ZNF446: variants seen among roughly 807,000 people sequenced by gnomAD.
ZNF446 encodes the protein zinc finger protein 446.
In ZNF446, 42 loss-of-function variants were observed where a neutral mutation model predicts 34.0. That is an observed-to-expected ratio of 1.23 (90% CI 0.96 to 1.60). The LOEUF (loss-of-function observed/expected upper bound fraction) is 1.60, where lower values mean the gene tolerates loss of function less well. ZNF446 is among the 40% of genes most tolerant of loss of function. ZNF446 has a pLI of 0.00. For missense variants in ZNF446, 650 were observed against 600.2 expected (o/e 1.08, Z -0.87); for synonymous variants, 315 against 251.0 (o/e 1.25, Z -2.41).
chr19:58,483,659 A>T (rs1299740452), downstream of ZNF446: 1 of 152,074 alleles, frequency 6.6e-6, no homozygotes, highest in Non-Finnish European at 1.5e-5. Flanking sequence ...GGAAAAAAAA[A>T]ATACGGAAAT....
chr19:58,481,323 A>G (rs1600013530), downstream of ZNF446: 2 of 153,622 alleles, frequency 1.3e-5, no homozygotes, highest in East Asian at 3.9e-4. Flanking sequence ...AGCACAGGGC[A>G]GTTGAGCCCA....
rs1307907470 is a variant in ZNF446, at chr19:58,477,395, A to G, written c.177A>G (p.Ala59=). Residue 59 remains alanine (A), a synonymous_variant, in exon 2 of 7, where the codon GCA becomes GCG. Transcript: ENST00000594369. ...ELCCQWLQPE[A]HSKEQMLEML... is the part of the protein sequence containing the mutation. ...GTTGCCAGTGGCTGCAGCCTGAGGC[A>G]CACTCCAAGGAGCAGATGCTGGAGA... 1 of 1,613,308 alleles carries G rather than the reference A, an allele frequency of 6.2e-7. No homozygotes were observed. Among genetic ancestry groups the G allele is most frequent in the Non-Finnish European group, 8.5e-7 (1 of 1,180,002 alleles).
chr19:58,477,674 C>A lies in ZNF446; in HGVS notation c.380C>A (p.Ala127Glu). The A allele has an allele frequency of 6.2e-7, 1 of 1,613,890 alleles. No individual in the cohort carries two copies. The change falls in exon 3 of 7, where the codon GCA becomes GAA. Residue 127 changes from alanine to glutamate, a missense_variant. By Grantham distance (107) the Ala-to-Glu change is moderately radical. Coordinates refer to ENST00000594369, the MANE Select transcript of ZNF446 (RefSeq NM_017908.4). ...AHVLKQEVLP[A>E]AQKTEEPLGS... ...GTCCTGAAGCAGGAGGTGCTCCCTG[C>A]AGCCCAGAAGACAGAGGAACCACTT...
downstream of ZNF446, among the ~76,000 whole-genome samples, chr19:58,485,762 TAG>T (rs1245488365): frequency 6.6e-6 from 1 of 152,118 alleles, no homozygotes; most frequent in Non-Finnish European, 1.5e-5. Flanking sequence ...TTTTTTTTGG[TAG>T]AGACAGGGTC....
In ZNF446 at chr19:58,480,557, AC is replaced by A; in HGVS notation, c.1187del (p.Pro396ArgfsTer218). 1.2e-6 allele frequency: 2 copies of A among 1,612,708 alleles called. No homozygotes were observed. Among genetic ancestry groups the A allele is most frequent in the Non-Finnish European group, 1.7e-6 (2 of 1,179,918 alleles). On this transcript the variant is annotated frameshift_variant, in exon 7 of 7. Transcript: ENST00000594369. LOFTEE classifies it high-confidence loss of function. This position sits in a 1 kb window ranked among gnomAD's most constrained non-coding sequence, Gnocchi z 7.2. Reference protein sequence around the residue: ...PRRSLTGPRSYPCEECGCSFS... With the variant: ...PRRSLTGPRSXPCEECGCSFS... ...CGCTCACTCACAGGCCCCCGGAGTTACCCGTGTGAGGAGTGCGGGTGCAGCT... is the reference window on the plus strand; with the variant it reads ...CGCTCACTCACAGGCCCCCGGAGTTACCGTGTGAGGAGTGCGGGTGCAGCT...
At position 58,478,089 on chromosome 19, in the gene ZNF446, C is replaced by G; in HGVS notation, c.535C>G (p.Pro179Ala). 6.2e-7 allele frequency: 1 copy of G among 1,612,088 alleles called. No individual in the cohort carries two copies. Among genetic ancestry groups the G allele is most frequent in the Non-Finnish European group, 8.5e-7 (1 of 1,179,072 alleles). ...CTTCCATCTGCCCCACTTTTCAGCACCCTCCAGCCCTCCACTTGCAGCACA... is the reference window on the plus strand; with the variant it reads ...CTTCCATCTGCCCCACTTTTCAGCAGCCTCCAGCCCTCCACTTGCAGCACA... ...EPNVDGQEVAPSSPPLAAQSP... is the reference protein window; with the variant it reads ...EPNVDGQEVAASSPPLAAQSP... Residue 179 changes from proline to alanine, a missense_variant and splice_region_variant, in exon 4 of 7, where the codon CCC becomes GCC. Transcript: ENST00000594369.
intron 4 of ZNF446, among the ~76,000 whole-genome samples, chr19:58,479,182 C>A (rs900344541): frequency 2.0e-5 from 3 of 152,124 alleles, no homozygotes; most frequent in South Asian, 2.1e-4. Flanking sequence ...GTAGGCTGCA[C>A]TTCCCAGTGT....
chr19:58,477,162 CCCTT>C lies in ZNF446; in HGVS notation c.-40-12_-40-9del. On this transcript the variant is annotated splice_polypyrimidine_tract_variant and intron_variant, in intron 1 of 6. Transcript: ENST00000594369. ...CAGATTCTCTTGGCTGACATTCCGA[CCCTT>C]CCTTTTCTGTAGGCCCATCTTGACG... The C allele has an allele frequency of 6.9e-7, 1 of 1,442,798 alleles. No homozygotes were observed. The highest frequency in any genetic ancestry group is 1.4e-5 in the African/African-American group (1 of 70,626). 89.4% of individuals were successfully genotyped at this position (1,442,798 alleles called of 1,614,324 possible). A position where few individuals can be genotyped will look rare whatever the true frequency, so the allele number is the denominator to read the frequency against.
chr19:58,481,512 A>G (rs539898299), downstream of ZNF446, among the ~76,000 whole-genome samples: 14 of 152,160 alleles, frequency 9.2e-5, no homozygotes, highest in South Asian at 2.9e-3. Flanking sequence ...CTCTGAGAAG[A>G]GGGGCTGCAA....
rs765035220 is a variant in ZNF446, at chr19:58,480,286, C to A, written c.913C>A (p.Arg305Ser). ...GGCTGCCACTCCTGCCCCCACTGTGCGCCCAGGGACACCGCCAGTGCCCAC... is the reference window on the plus strand; with the variant it reads ...GGCTGCCACTCCTGCCCCCACTGTGAGCCCAGGGACACCGCCAGTGCCCAC... The part of the protein sequence containing the change: ...SGAATPAPTV[R>S]PGTPPVPTQP... Residue 305 changes from arginine to serine, a missense_variant, in exon 7 of 7, where the codon CGC (arginine) becomes AGC (serine). Coordinates refer to ENST00000594369, the MANE Select transcript of ZNF446 (RefSeq NM_017908.4). The surrounding 1 kb of genome is among the most constrained non-coding windows in gnomAD (Gnocchi z 7.2). 13 of 1,576,782 alleles carry A rather than the reference C, an allele frequency of 8.2e-6. No individual in the cohort carries two copies. Among genetic ancestry groups the A allele is most frequent in the African/African-American group, 2.7e-5 (2 of 74,270 alleles).
downstream of ZNF446, chr19:58,483,465 G>A (rs761808766): frequency 6.6e-6 from 1 of 152,228 alleles, no homozygotes; most frequent in Admixed American, 6.5e-5. Context: ...TGCAGCCTGG[G>A]TGACAAAGCG....
downstream of ZNF446, among the ~76,000 whole-genome samples, chr19:58,484,902 A>C (rs2053161326): frequency 6.6e-6 from 1 of 151,954 alleles, no homozygotes; most frequent in African/African-American, 2.4e-5. Context: ...TAGTAAAAAT[A>C]CAAAAATTAG....
chr19:58,484,287 A>AAC (rs2053158001), downstream of ZNF446, among the ~76,000 whole-genome samples: 1 of 149,896 alleles, frequency 6.7e-6, no homozygotes, highest in Non-Finnish European at 1.5e-5. Flanking sequence ...AAAAAAAAAA[A>AAC]AAAAAAACAC....
chr19:58,480,828 G>A lies in ZNF446; in HGVS notation c.*102G>A. On this transcript the variant is annotated 3_prime_UTR_variant, in exon 7 of 7. Transcript: ENST00000594369. This position sits in a 1 kb window ranked among gnomAD's most constrained non-coding sequence, Gnocchi z 7.2. ...ACTCTGGAGGCAGCAGGGGATGCCA[G>A]AGTGAACAAGGGGTCCCAAGCCAGT... 3 of 1,394,850 alleles carry A rather than the reference G, an allele frequency of 2.2e-6. No homozygotes were observed. The highest frequency in any genetic ancestry group is 2.9e-6 in the Non-Finnish European group (3 of 1,032,158). 86.4% of individuals were successfully genotyped at this position (1,394,850 alleles called of 1,614,324 possible). A position where few individuals can be genotyped will look rare whatever the true frequency, so the allele number is the denominator to read the frequency against.
downstream of ZNF446, among the ~76,000 whole-genome samples, chr19:58,485,271 C>T (rs970763442): frequency 2.7e-5 from 4 of 150,334 alleles, no homozygotes; most frequent in African/African-American, 4.9e-5. Context: ...GAGGCCGAGG[C>T]GGGTGGATCA....
At chr19:58,479,615 C>A in intron 4 of ZNF446, 28 bp from the exon 5 acceptor site, 1 of 1,610,278 alleles carries the variant, frequency 6.2e-7, no homozygotes, top group Non-Finnish European at 8.5e-7. Context: ...GGTGGAAAGA[C>A]GCCTACAGTG....
chr19:58,478,126 G>A lies in ZNF446; in HGVS notation c.572G>A (p.Gly191Glu). Residue 191 changes from glycine (G) to glutamate (E), a missense_variant, in exon 4 of 7, where the codon GGG becomes GAG. Transcript: ENST00000594369. ...CCACTTGCAGCACAGTCCCCTGAGG[G>A]GAACCATGGACACCAAGAACCAGCC... is the stretch of plus-strand genomic sequence containing the variant. ...SPPLAAQSPE[G>E]NHGHQEPAST... is the part of the protein sequence containing the mutation. 1 of 1,614,036 alleles carries A rather than the reference G, an allele frequency of 6.2e-7. No individual in the cohort carries two copies. Among genetic ancestry groups the A allele is most frequent in the African/African-American group, 1.3e-5 (1 of 75,028 alleles).
intron 4 of ZNF446, 163 bp from the exon 5 acceptor site, chr19:58,479,480 A>C (rs1181806767): frequency 2.9e-6 from 2 of 682,216 alleles, no homozygotes; most frequent in African/African-American, 3.6e-5. Context: ...CTGAAGGAGA[A>C]CCTCTGCACT....
In ZNF446 at chr19:58,479,728, G is replaced by A; in HGVS notation, c.712+1G>A. ...AAGTACGGCACAGTGGTCTCCCTGG[G>A]TGAGGACCAGCCAGCCCCACCCCGC... On this transcript the variant is annotated splice_donor_variant, in intron 5 of 6. Transcript: ENST00000594369. LOFTEE classifies it high-confidence loss of function. The A allele has an allele frequency of 2.5e-6, 4 of 1,610,918 alleles. No individual in the cohort carries two copies. The highest frequency in any genetic ancestry group is 2.5e-6 in the Non-Finnish European group (3 of 1,179,176).
Sources: allele counts gnomAD v4.1 joint callset (sites outside exome capture counted in the v4.1 genomes callset), GRCh38; gene constraint gnomAD v4.1.1; non-coding constraint Gnocchi (gnomAD v3.1); transcripts MANE v1.5; gene names NCBI Gene and HGNC (gene_info 2026-07-23, HGNC 2026-07-21).